Variants in VEGFC observed in about 807,000 individuals in gnomAD.
VEGFC encodes vascular endothelial growth factor C, also known as FLT4 ligand DHM.
VEGFC carries 12 observed loss-of-function variants against 46.1 expected under a neutral mutation model. The observed-to-expected ratio is 0.26, with a 90% CI of 0.17 to 0.42. The LOEUF is 0.42. Ranked by LOEUF, VEGFC falls within the 10% of genes least tolerant of loss-of-function variation. The pLI, the probability that VEGFC is intolerant of heterozygous loss-of-function variation, is 1.00. For missense variants in VEGFC, 488 were observed against 529.4 expected (o/e 0.92, Z 0.77); for synonymous variants, 232 against 195.5 (o/e 1.19, Z -1.56).
chr4:176,714,934 G>A (rs1040748287), intron 3 of VEGFC, among the ~76,000 whole-genome samples: 2 of 152,166 alleles, frequency 1.3e-5, no homozygotes, highest in Non-Finnish European at 2.9e-5. Flanking sequence ...TTCAAAGGCT[G>A]CAAGAAATGT....
At chr4:176,781,694 CTT>C (rs1735918890) in intron 1 of VEGFC, among the ~76,000 whole-genome samples, 1 of 152,154 alleles carries the variant, frequency 6.6e-6, no homozygotes, top group South Asian at 2.1e-4. Context: ...TTCATCCACT[CTT>C]GGGGCAGGGA....
At chr4:176,750,984 T>C (rs1012351784) in intron 1 of VEGFC, among the ~76,000 whole-genome samples, 1 of 151,762 alleles carries the variant, frequency 6.6e-6, no homozygotes, top group African/African-American at 2.4e-5. Context: ...AAGGAATACT[T>C]TTCCAAACTT....
chr4:176,714,903 A>C (rs936414981), intron 3 of VEGFC, among the ~76,000 whole-genome samples: 1 of 152,200 alleles, frequency 6.6e-6, no homozygotes, highest in African/African-American at 2.4e-5. Flanking sequence ...CTTCCTGGAA[A>C]ACTAAGTGTG....
At chr4:176,684,662 C>T (rs10034385) in intron 6 of VEGFC, among the ~76,000 whole-genome samples, 151,791 of 152,352 alleles carry the variant, frequency 1, 75,618 homozygotes, top group Non-Finnish European at 1. Context: ...TTCCAGTTTC[C>T]AGTAGCGGTG....
At chr4:176,688,050 A>C in intron 4 of VEGFC, 123 bp from the exon 5 acceptor site, 1 of 539,576 alleles carries the variant, frequency 1.9e-6, no homozygotes, top group South Asian at 3.2e-5. Context: ...GAATTATGAG[A>C]TAAAATGTGA....
intron 6 of VEGFC, 65 bp from the exon 7 acceptor site, chr4:176,684,105 A>C: frequency 8.6e-7 from 1 of 1,169,454 alleles, no homozygotes; most frequent in Non-Finnish European, 1.3e-6. Context: ...CATGCTACCA[A>C]GGTATTTCTG....
chr4:176,742,681 T>A (rs1735196451), intron 1 of VEGFC, among the ~76,000 whole-genome samples: 1 of 152,028 alleles, frequency 6.6e-6, no homozygotes, highest in South Asian at 2.1e-4. Flanking sequence ...GTTCTAAAGA[T>A]GAAAATGCTT....
chr4:176,718,088 T>C (rs1427079131), intron 3 of VEGFC, among the ~76,000 whole-genome samples: 2 of 152,254 alleles, frequency 1.3e-5, no homozygotes, highest in East Asian at 3.9e-4. Flanking sequence ...CATTGTACCT[T>C]GGGTTGGAAA....
intron 1 of VEGFC, among the ~76,000 whole-genome samples, chr4:176,780,363 C>A (rs1735891144): frequency 2.1e-5 from 2 of 93,460 alleles, no homozygotes; most frequent in Admixed American, 3.2e-4. Flanking sequence ...GCCTGGGCGA[C>A]AGAGCGAGAC....
intron 1 of VEGFC, among the ~76,000 whole-genome samples, chr4:176,766,004 A>G (rs1416600874): frequency 6.6e-6 from 1 of 152,180 alleles, no homozygotes; most frequent in Non-Finnish European, 1.5e-5. Flanking sequence ...AGAATACTAT[A>G]CACAGAAAAA....
chr4:176,780,188 T>C (rs1006995528), intron 1 of VEGFC, among the ~76,000 whole-genome samples: 1 of 152,074 alleles, frequency 6.6e-6, no homozygotes, highest in Non-Finnish European at 1.5e-5. Flanking sequence ...AAGACCAGCC[T>C]GGCCAACAGG....
chr4:176,683,977 T>C lies in VEGFC; in HGVS notation c.1209A>G (p.Glu403=). The change falls in exon 7 of 7, where the codon GAA becomes GAG. Residue 403 remains glutamate (E), a synonymous_variant. Coordinates refer to ENST00000618562, the MANE Select transcript of VEGFC (RefSeq NM_005429.5). ...ATGAAGGGACACAACGACACACTTC[T>C]TCACTATATGAAAATCCTGGCTCAC... ...KACEPGFSYS[E]EVCRCVPSYW... The C allele has an allele frequency of 6.2e-7, 1 of 1,614,224 alleles. No individual in the cohort carries two copies. Among genetic ancestry groups the C allele is most frequent in the Non-Finnish European group, 8.5e-7 (1 of 1,180,036 alleles).
chr4:176,740,477 CTA>C (rs1201097229), intron 1 of VEGFC, among the ~76,000 whole-genome samples: 1 of 114,026 alleles, frequency 8.8e-6, no homozygotes, highest in African/African-American at 2.9e-5. Context: ...ACTATATATT[CTA>C]TATATAGAGA....
chr4:176,746,077 T>C (rs1453002155), intron 1 of VEGFC, among the ~76,000 whole-genome samples: 3 of 152,042 alleles, frequency 2.0e-5, no homozygotes, highest in Non-Finnish European at 4.4e-5. Flanking sequence ...AAAACATTAG[T>C]ACTAGAAGAT....
chr4:176,732,035 G>C (rs1265902099), intron 1 of VEGFC, among the ~76,000 whole-genome samples: 1 of 151,660 alleles, frequency 6.6e-6, no homozygotes, highest in Non-Finnish European at 1.5e-5. Context: ...GCTGAAAAAG[G>C]CCTTTTTAAA....
intron 4 of VEGFC, among the ~76,000 whole-genome samples, chr4:176,695,853 C>T (rs914866945): frequency 5.3e-5 from 8 of 152,090 alleles, no homozygotes; most frequent in African/African-American, 1.9e-4. Flanking sequence ...AAATGTAATC[C>T]AGCATATAAA....
intron 4 of VEGFC, among the ~76,000 whole-genome samples, chr4:176,696,318 CA>C: frequency 6.6e-6 from 1 of 152,006 alleles, no homozygotes; most frequent in Non-Finnish European, 1.5e-5. Flanking sequence ...ACAAAAATCA[CA>C]AGCACTCTTA....
chr4:176,781,560 A>G (rs1348159209), intron 1 of VEGFC, among the ~76,000 whole-genome samples: 6 of 152,226 alleles, frequency 3.9e-5, no homozygotes, highest in Admixed American at 6.5e-5. Flanking sequence ...GTGAGTGGAA[A>G]TAACAATCCC....
At chr4:176,715,278 GTTC>G (rs913594235) in intron 3 of VEGFC, among the ~76,000 whole-genome samples, 2 of 152,062 alleles carry the variant, frequency 1.3e-5, no homozygotes, top group Admixed American at 6.5e-5. Flanking sequence ...AAAAAATTTT[GTTC>G]TTCTCTTGAA....
Sources: gnomAD v4.1 joint callset for allele counts (sites outside exome capture counted in the v4.1 genomes callset) on GRCh38, gnomAD v4.1.1 for gene constraint, MANE v1.5 for transcripts, NCBI Gene and HGNC (gene_info 2026-07-23, HGNC 2026-07-21) for gene names.